Variants in TMEM132D observed in about 807,000 individuals in gnomAD.
The protein encoded by TMEM132D is transmembrane protein 132D, also known as mature OL transmembrane protein.
A neutral mutation model predicts 62.3 loss-of-function variants in TMEM132D; 21 were observed. The ratio of observed to expected loss-of-function variants is 0.34; its 90% CI spans 0.24 to 0.49. The LOEUF (loss-of-function observed/expected upper bound fraction) is 0.49. TMEM132D is among the 20% of genes least tolerant of loss of function. The probability of loss-of-function intolerance (pLI) is 0.99; values close to 1 mark genes in which losing one functional copy is unlikely to be tolerated. For synonymous variants in TMEM132D, 621 were observed against 575.6 expected (o/e 1.08, Z -1.13); for missense variants, 1,346 against 1,402.8 (o/e 0.96, Z 0.65).
chr12:129,630,324 G>A lies in TMEM132D; in HGVS notation c.968+69486C>T, dbSNP rs116163662. ...GCAGCTGGACATGAAGAGAAAGAAA[G>A]AAGAAAGAAAAACCACAGGACACAG... On this transcript the variant is annotated intron_variant, in intron 2 of 8. Transcript: ENST00000422113. Among the ~76,000 whole-genome samples the A allele has an allele frequency of 2.2e-3, 329 of 152,258 alleles. 3 individuals are homozygous for A. Among genetic ancestry groups the A allele is most frequent in the African/African-American group, 7.7e-3 (321 of 41,542 alleles).
chr12:129,428,814 G>A (rs1467186448), intron 3 of TMEM132D, among the ~76,000 whole-genome samples: 2 of 152,218 alleles, frequency 1.3e-5, no homozygotes, highest in Admixed American at 1.3e-4. Context: ...TCACGACTGA[G>A]CGAGAGGGGA....
At chr12:129,596,773 T>A (rs549453792) in intron 2 of TMEM132D, among the ~76,000 whole-genome samples, 66 of 152,158 alleles carry the variant, frequency 4.3e-4, no homozygotes, top group African/African-American at 1.5e-3. Flanking sequence ...GAATGGTGTT[T>A]TTTTTTTTAA....
chr12:129,076,464 T>G (rs925384164), intron 8 of TMEM132D, among the ~76,000 whole-genome samples: 1 of 152,154 alleles, frequency 6.6e-6, no homozygotes, highest in Non-Finnish European at 1.5e-5. Context: ...TTTTACACAG[T>G]TGTTGTTTAG....
intron 1 of TMEM132D, among the ~76,000 whole-genome samples, chr12:129,748,993 A>G (rs1345883197): frequency 1.3e-5 from 2 of 152,214 alleles, no homozygotes; most frequent in Non-Finnish European, 2.9e-5. Flanking sequence ...TGATGAGAAG[A>G]GGCTAATTAA....
intron 4 of TMEM132D, among the ~76,000 whole-genome samples, chr12:129,309,265 T>C (rs1055529518): frequency 6.6e-6 from 1 of 152,216 alleles, no homozygotes; most frequent in Non-Finnish European, 1.5e-5. Context: ...TGATTTTTCA[T>C]GTTCTTTCTT....
In TMEM132D at chr12:129,705,336, G is replaced by C. The variant is rs575912329; in HGVS notation, c.80-4638C>G. ...GAAAACCGAAAACACCACCTTTTAG[G>C]TATTTCTAAAAAACACAGTTGCATC... On this transcript the variant is annotated intron_variant, in intron 1 of 8. Transcript: ENST00000422113. Among the ~76,000 whole-genome samples, 534 of 152,138 alleles carry C rather than the reference G, an allele frequency of 3.5e-3. 2 individuals carry two copies. Among genetic ancestry groups the C allele is most frequent in the African/African-American group, 0.012 (514 of 41,500 alleles).
intron 2 of TMEM132D, among the ~76,000 whole-genome samples, chr12:129,640,346 A>G (rs930486480): frequency 6.6e-6 from 1 of 152,138 alleles, no homozygotes; most frequent in Non-Finnish European, 1.5e-5. Context: ...AAAAACAAAT[A>G]TGCTTCATAT....
chr12:129,256,619 G>A lies in TMEM132D; in HGVS notation c.1300-46956C>T, dbSNP rs577457741. Among the ~76,000 whole-genome samples the A allele has an allele frequency of 2.2e-4, 33 of 152,142 alleles. 3 individuals carry two copies. In the South Asian group the frequency reaches 5.8e-3, roughly 27 times the overall value. On this transcript the variant is annotated intron_variant, in intron 4 of 8. Transcript: ENST00000422113. ...GTATTTTTAGTAGAGATGGAGTTTC[G>A]CGATGTTGGCTAGGCTGGTCTTGAA...
chr12:129,183,804 G>A (rs945457470), intron 5 of TMEM132D, among the ~76,000 whole-genome samples: 3 of 146,042 alleles, frequency 2.1e-5, no homozygotes, highest in Non-Finnish European at 4.4e-5. Context: ...TGTCCCCTTG[G>A]GTAGGGGCAC....
At chr12:129,245,133 A>G (rs537670166) in intron 4 of TMEM132D, among the ~76,000 whole-genome samples, 1 of 152,364 alleles carries the variant, frequency 6.6e-6, no homozygotes, top group South Asian at 2.1e-4. Flanking sequence ...ATATACACAA[A>G]GCATAGTATC....
chr12:129,251,162 A>G (rs937848751), intron 4 of TMEM132D, among the ~76,000 whole-genome samples: 2 of 152,044 alleles, frequency 1.3e-5, no homozygotes, highest in African/African-American at 4.8e-5. Context: ...GTTCGAGACC[A>G]GCCTGGGCAA....
chr12:129,162,099 C>T (rs1189445498), intron 5 of TMEM132D, among the ~76,000 whole-genome samples: 4 of 152,166 alleles, frequency 2.6e-5, no homozygotes, highest in Admixed American at 6.5e-5. Context: ...TATGTTTAAG[C>T]TCTAACTCCA....
intron 2 of TMEM132D, among the ~76,000 whole-genome samples, chr12:129,605,622 TACACACACACACACACACACACACAA>T (rs1878603329): frequency 2.1e-4 from 26 of 126,760 alleles, no homozygotes; most frequent in Admixed American, 2.5e-4. Context: ...CATATATATA[TACACACACACACACACACACACACAA>T]ATATACATAT....
chr12:129,398,935 T>C (rs1871516283), intron 3 of TMEM132D, among the ~76,000 whole-genome samples: 1 of 152,160 alleles, frequency 6.6e-6, no homozygotes, highest in African/African-American at 2.4e-5. Context: ...AGAATAGTAA[T>C]TCGTAATAAA....
At chr12:129,174,401 C>T (rs998608702) in intron 5 of TMEM132D, among the ~76,000 whole-genome samples, 2 of 152,196 alleles carry the variant, frequency 1.3e-5, no homozygotes, top group African/African-American at 4.8e-5. Flanking sequence ...CTGCAAAGGA[C>T]ATGATCTCAT....
At chr12:129,235,109 T>TC (rs1269067182) in intron 4 of TMEM132D, among the ~76,000 whole-genome samples, 1 of 152,222 alleles carries the variant, frequency 6.6e-6, no homozygotes, top group Non-Finnish European at 1.5e-5. Flanking sequence ...TTGAGTTTTT[T>TC]CCCACAGTAC....
intron 2 of TMEM132D, among the ~76,000 whole-genome samples, chr12:129,616,568 C>T (rs184288201): frequency 8.5e-5 from 13 of 152,268 alleles, no homozygotes; most frequent in Admixed American, 8.5e-4. Context: ...AGGGTGGTTA[C>T]CCCCATGCTG....
intron 2 of TMEM132D, among the ~76,000 whole-genome samples, chr12:129,652,836 C>T (rs925723407): frequency 2.0e-5 from 3 of 152,204 alleles, no homozygotes; most frequent in African/African-American, 7.2e-5. Context: ...ATAAGCATCA[C>T]TCTTTGCCAG....
chr12:129,703,235 AC>A (rs1215224027), intron 1 of TMEM132D, among the ~76,000 whole-genome samples: 1 of 152,088 alleles, frequency 6.6e-6, no homozygotes, highest in African/African-American at 2.4e-5. Context: ...AGGACATGAA[AC>A]CTAACTGTGC....
Sources: allele counts gnomAD v4.1 joint callset (sites outside exome capture counted in the v4.1 genomes callset), GRCh38; gene constraint gnomAD v4.1.1; transcripts MANE v1.5; gene names NCBI Gene and HGNC (gene_info 2026-07-23, HGNC 2026-07-21).